LRSAM1: variants seen among roughly 807,000 people sequenced by gnomAD.
LRSAM1 encodes E3 ubiquitin-protein ligase LRSAM1.
Under a neutral mutation model 118.1 loss-of-function variants are expected in LRSAM1, and 96 were observed. The observed-to-expected ratio is 0.81, with a 90% CI of 0.69 to 0.96. The LOEUF (loss-of-function observed/expected upper bound fraction) is 0.96, where lower values mean the gene tolerates loss of function less well. Among genes scored for constraint, LRSAM1 ranks in the 40% least tolerant of loss-of-function variants. LRSAM1 has a pLI of 0.00. For missense variants in LRSAM1, 804 were observed against 915.5 expected (o/e 0.88, Z 1.57); for synonymous variants, 322 against 364.2 (o/e 0.88, Z 1.32).
chr9:127,466,361 T>C (rs999003799), intron 9 of LRSAM1, among the ~76,000 whole-genome samples: 2 of 151,360 alleles, frequency 1.3e-5, no homozygotes. Flanking sequence ...AAATCTCCTT[T>C]TAGAGGAAAC....
chr9:127,466,483 TATATATATATATATATATATA>T (rs1834929507), intron 9 of LRSAM1, among the ~76,000 whole-genome samples: 1 of 24,846 alleles, frequency 4.0e-5, no homozygotes, highest in Admixed American at 7.4e-4. Flanking sequence ...ATCATATATA[TATATATATATATATATATATA>T]TTTTTTTTTT....
chr9:127,463,147 C>T (rs986507316), intron 9 of LRSAM1, among the ~76,000 whole-genome samples: 3 of 145,968 alleles, frequency 2.1e-5, no homozygotes, highest in Non-Finnish European at 3.0e-5. Context: ...TGCAGTGAGC[C>T]GAGATTGCGC....
intron 8 of LRSAM1, 116 bp downstream of exon 8, chr9:127,461,373 G>T: frequency 2.3e-6 from 2 of 851,928 alleles, no homozygotes; most frequent in Non-Finnish European, 3.9e-6. Flanking sequence ...CCAGTCTCCG[G>T]GGGTCGCTGT....
At chr9:127,466,186 A>G (rs576269423) in intron 9 of LRSAM1, among the ~76,000 whole-genome samples, 7 of 151,874 alleles carry the variant, frequency 4.6e-5, no homozygotes, top group African/African-American at 1.7e-4. Context: ...GCGCATGCCT[A>G]TAGTTCCAGC....
chr9:127,454,633 C>T (rs1243478851), intron 3 of LRSAM1, 34 bp downstream of exon 3: 1 of 1,606,206 alleles, frequency 6.2e-7, no homozygotes, highest in African/African-American at 1.3e-5. Flanking sequence ...AACTCTATCC[C>T]ATCTCCTCCT....
chr9:127,502,990 T>G lies in LRSAM1; in HGVS notation c.*91T>G. ...CTCAGCCTTGTGCCAGCCAGACTCGTATGAGGCTCCCCCCTGCCCTGGGCC... is the reference window on the plus strand; with the variant it reads ...CTCAGCCTTGTGCCAGCCAGACTCGGATGAGGCTCCCCCCTGCCCTGGGCC... On this transcript the variant is annotated 3_prime_UTR_variant, in exon 26 of 26. Coordinates refer to ENST00000300417, the MANE Select transcript of LRSAM1 (RefSeq NM_001005373.4). 6.6e-7 allele frequency: 1 copy of G among 1,514,034 alleles called. No homozygotes were observed. Among genetic ancestry groups the G allele is most frequent in the Middle Eastern group, 2.3e-4 (1 of 4,328 alleles). 93.8% of individuals were successfully genotyped at this position (1,514,034 alleles called of 1,614,324 possible).
chr9:127,495,228 C>T, intron 21 of LRSAM1, 92 bp from the exon 22 acceptor site: 12 of 1,196,224 alleles, frequency 1.0e-5, no homozygotes, highest in Non-Finnish European at 1.5e-5. Context: ...GCTGGGATTA[C>T]AGGCATGAGC....
chr9:127,475,028 C>T (rs1402882269), intron 11 of LRSAM1, among the ~76,000 whole-genome samples: 1 of 151,284 alleles, frequency 6.6e-6, no homozygotes, highest in African/African-American at 2.4e-5. Flanking sequence ...TCCACTGCTG[C>T]TGGGAATGCA....
intron 6 of LRSAM1, 79 bp downstream of exon 6, chr9:127,457,472 T>C: frequency 7.5e-7 from 1 of 1,341,128 alleles, no homozygotes; most frequent in East Asian, 2.4e-5. Context: ...CCTTTTGGGC[T>C]GCCTCTTGCA....
intron 11 of LRSAM1, among the ~76,000 whole-genome samples, chr9:127,478,489 T>C (rs1438375891): frequency 6.6e-6 from 1 of 152,248 alleles, no homozygotes; most frequent in Non-Finnish European, 1.5e-5. Flanking sequence ...TATGAGTTAT[T>C]TCCAGTGTTT....
At position 127,455,006 on chromosome 9, in the gene LRSAM1, A is replaced by G. The variant is rs749609283; in HGVS notation, c.81A>G (p.Glu27=). 3.1e-6 allele frequency: 5 copies of G among 1,614,040 alleles called. No homozygotes were observed. The highest frequency in any genetic ancestry group is 4.2e-6 in the Non-Finnish European group (5 of 1,179,992). Residue 27 remains glutamate, a synonymous_variant, in exon 4 of 26, where the codon GAA becomes GAG. Coordinates refer to ENST00000300417, the MANE Select transcript of LRSAM1 (RefSeq NM_001005373.4). ...RLEYQMCLAK[E]AGADDILDIS... is the part of the protein sequence containing the mutation. ...ATTCTTTTTATCCTTAGGCAAAAGAAGCTGGGGCAGATGACATTCTCGACA... is the reference window on the plus strand; with the variant it reads ...ATTCTTTTTATCCTTAGGCAAAAGAGGCTGGGGCAGATGACATTCTCGACA...
intron 8 of LRSAM1, among the ~76,000 whole-genome samples, 171 bp downstream of exon 8, chr9:127,461,428 G>C (rs947840046): frequency 6.6e-6 from 1 of 152,214 alleles, no homozygotes; most frequent in African/African-American, 2.4e-5. Flanking sequence ...ATGGTAACCA[G>C]AGACAGGCTG....
Position 127,459,455 on chromosome 9 carries a change from G to GT in LRSAM1, c.321+386dup, listed in dbSNP as rs200029126. On this transcript the variant is annotated intron_variant, in intron 7 of 25. Transcript: ENST00000300417. ...ACTGGTCTCAAACTCCTGACCTCAA[G>GT]TTATCCACTCACTTTGGCCTCCCAA... 4.0e-3 allele frequency among the ~76,000 whole-genome samples: 607 copies of GT among 152,254 alleles called. 10 individuals carry two copies. Among genetic ancestry groups the GT allele is most frequent in the East Asian group, 0.02 (103 of 5,186 alleles).
At chr9:127,491,362 G>A in intron 20 of LRSAM1, 67 bp downstream of exon 20, 1 of 1,265,284 alleles carries the variant, frequency 7.9e-7, no homozygotes, top group Non-Finnish European at 1.2e-6. Context: ...CTCCCTCCCA[G>A]CCTCTGGCAG....
chr9:127,456,522 C>T (rs952281929), intron 5 of LRSAM1, among the ~76,000 whole-genome samples: 3 of 152,164 alleles, frequency 2.0e-5, no homozygotes, highest in Non-Finnish European at 2.9e-5. Context: ...TGAGCCACCA[C>T]GCCCAGTCTG....
chr9:127,483,305 G>C (rs1835607701), intron 16 of LRSAM1, among the ~76,000 whole-genome samples: 1 of 152,226 alleles, frequency 6.6e-6, no homozygotes, highest in African/African-American at 2.4e-5. Context: ...AAATGGGCCA[G>C]GTGTCGGGGC....
intron 2 of LRSAM1, chr9:127,454,103 C>T (rs1470454724): frequency 6.1e-6 from 2 of 326,760 alleles, no homozygotes; most frequent in Non-Finnish European, 1.2e-5. Context: ...CAGCCCCTGC[C>T]CCCGTGGAAC....
At chr9:127,488,188 G>A (rs1035775497) in intron 18 of LRSAM1, among the ~76,000 whole-genome samples, 1 of 152,148 alleles carries the variant, frequency 6.6e-6, no homozygotes, top group Non-Finnish European at 1.5e-5. Context: ...TGCCTGGCAG[G>A]GCTCTTGAGT....
chr9:127,483,416 C>T (rs1170068923), intron 16 of LRSAM1, among the ~76,000 whole-genome samples: 1 of 151,524 alleles, frequency 6.6e-6, no homozygotes, highest in African/African-American at 2.4e-5. Flanking sequence ...TACTGCACTC[C>T]AGCCTGGGTA....
Sources: allele counts gnomAD v4.1 joint callset (sites outside exome capture counted in the v4.1 genomes callset), GRCh38; gene constraint gnomAD v4.1.1; transcripts MANE v1.5; gene names NCBI Gene and HGNC (gene_info 2026-07-23, HGNC 2026-07-21).